The following SYNE2 variants were observed in gnomAD, a reference collection of about 807,000 sequenced individuals.
SYNE2 encodes spectrin repeat containing nuclear envelope protein 2, also known as nesprin-2.
SYNE2 carries 431 observed loss-of-function variants against 856.3 expected under a neutral mutation model. That is an observed-to-expected ratio of 0.50 (90% confidence interval 0.47 to 0.55). The LOEUF is 0.55. Among genes scored for constraint, SYNE2 ranks in the 20% least tolerant of loss-of-function variants. The probability of loss-of-function intolerance (pLI) is 0.00; values close to 1 mark genes in which losing one functional copy is unlikely to be tolerated. For missense variants in SYNE2, 8,129 were observed against 8,023.2 expected, an observed-to-expected ratio of 1.01 and a Z score of -0.50; for synonymous variants, 2,923 against 2,872.3, an observed-to-expected ratio of 1.02 and a Z score of -0.56.
In SYNE2 at chr14:64,027,566, A is replaced by G; in HGVS notation, c.6487A>G (p.Lys2163Glu). Residue 2163 changes from lysine (K) to glutamate (E), a missense_variant, in exon 43 of 116, where the codon AAG (lysine) becomes GAG (glutamate). Around this residue, in one of 3 missense-constraint regions of SYNE2, gnomAD observed 297 missense variants for 380.9 expected, o/e 0.78. Transcript: ENST00000555002. ...DLRLMLIELK[K>E]KQEAGFALQH... is the part of the protein sequence containing the mutation. ...GAGATTAATGCTCATAGAACTAAAG[A>G]AGAAACAGGAAGCAGGCTTTGCTCT... 4 of 1,612,956 alleles carry G rather than the reference A, an allele frequency of 2.5e-6. No individual in the cohort carries two copies. Among genetic ancestry groups the G allele is most frequent in the Non-Finnish European group, 3.4e-6 (4 of 1,179,138 alleles).
intron 1 of SYNE2, among the ~76,000 whole-genome samples, chr14:63,835,119 A>T (rs1416759127): frequency 1.3e-5 from 2 of 152,214 alleles, no homozygotes; most frequent in African/African-American, 4.8e-5. Flanking sequence ...GGTGCTAAAG[A>T]TGCATCCATG....
At position 63,998,087 on chromosome 14, in the gene SYNE2, CAAAG is replaced by C. The variant is rs2096726888; in HGVS notation, c.3244-128_3244-125del. ...GACTTTTCTCTGAGCTGAGACATCT[CAAAG>C]AAATTGTATTATCTCCTGGTTTGAG... On this transcript the variant is annotated intron_variant, in intron 25 of 115. Coordinates refer to ENST00000555002, the MANE Select transcript of SYNE2 (RefSeq NM_182914.3). 8 of 751,286 alleles carry C rather than the reference CAAAG, an allele frequency of 1.1e-5. No homozygotes were observed. The South Asian group carries it at 1.2e-4, about 11-fold the overall frequency. 46.5% of individuals were successfully genotyped at this position (751,286 alleles called of 1,614,324 possible).
chr14:64,186,413 A>T lies in SYNE2; in HGVS notation c.17557-11A>T, dbSNP rs771644639. On this transcript the variant is annotated splice_polypyrimidine_tract_variant and intron_variant, in intron 96 of 115. Transcript: ENST00000555002. The stretch of plus-strand genomic sequence containing the variant: ...GAAGGCTTTTTACCCCCTTCTTGTG[A>T]TTAAATGCAGGAACTAGAACAGTCT... 1 of 1,614,146 alleles carries T rather than the reference A, an allele frequency of 6.2e-7. No individual in the cohort carries two copies. The highest frequency in any genetic ancestry group is 8.5e-7 in the Non-Finnish European group (1 of 1,180,016).
rs567316202 is a variant in SYNE2, at chr14:63,877,302, C to T, written c.-52+24159C>T. 3.9e-5 allele frequency among the ~76,000 whole-genome samples: 6 copies of T among 152,170 alleles called. No homozygotes were observed. The East Asian group carries it at 1.2e-3, about 29-fold the overall frequency. On this transcript the variant is annotated intron_variant, in intron 1 of 115. Transcript: ENST00000555002. ...GAGGCCTATAACCTAGAACTTTGGT[C>T]AAAATAGGAACTATGATTCATAGCT...
intron 32 of SYNE2, among the ~76,000 whole-genome samples, chr14:64,012,960 G>T (rs1016865355): frequency 6.6e-6 from 1 of 152,146 alleles, no homozygotes; most frequent in Admixed American, 6.5e-5. Flanking sequence ...TAGTAACCTG[G>T]ATGTTTATCT....
chr14:64,154,002 A>G (rs754699578), intron 85 of SYNE2, among the ~76,000 whole-genome samples: 19 of 152,160 alleles, frequency 1.2e-4, no homozygotes, highest in Non-Finnish European at 2.6e-4. Context: ...AGACCTCTGC[A>G]TTCATACAAT....
intron 1 of SYNE2, among the ~76,000 whole-genome samples, chr14:63,779,401 A>G (rs2139731322): frequency 6.8e-6 from 1 of 146,526 alleles, no homozygotes; most frequent in East Asian, 2.0e-4. Flanking sequence ...CTAGAAAAAT[A>G]CTCTGTTCCC....
At chr14:64,074,855 G>A (rs1208117745) in intron 53 of SYNE2, among the ~76,000 whole-genome samples, 8 of 149,364 alleles carry the variant, frequency 5.4e-5, no homozygotes, top group Non-Finnish European at 5.9e-5. Flanking sequence ...AGATCGTGCC[G>A]CTGCAATCCA....
chr14:64,035,366 G>T (rs1405793245), intron 45 of SYNE2, among the ~76,000 whole-genome samples: 2 of 151,928 alleles, frequency 1.3e-5, no homozygotes, highest in Non-Finnish European at 2.9e-5. Flanking sequence ...AAAAAAAAAA[G>T]TTATAACAGA....
At chr14:64,044,104 A>G (rs141689078) in intron 45 of SYNE2, among the ~76,000 whole-genome samples, 254 of 152,340 alleles carry the variant, frequency 1.7e-3, no homozygotes, top group African/African-American at 5.8e-3. Flanking sequence ...CAAACATTCA[A>G]TGCCAGCCTA....
chr14:64,010,500 A>G (rs2096835662), intron 32 of SYNE2, among the ~76,000 whole-genome samples: 1 of 152,146 alleles, frequency 6.6e-6, no homozygotes, highest in African/African-American at 2.4e-5. Context: ...GTGAGGAAAA[A>G]TTAGCTTTTA....
intron 17 of SYNE2, 127 bp downstream of exon 17, chr14:63,982,921 A>C (rs2096597552): frequency 2.1e-6 from 2 of 949,564 alleles, no homozygotes; most frequent in African/African-American, 1.7e-5. Context: ...TACCATAAAA[A>C]ATTTAGAACA....
At chr14:64,093,800 G>A (rs2097651336) in intron 61 of SYNE2, among the ~76,000 whole-genome samples, 1 of 152,130 alleles carries the variant, frequency 6.6e-6, no homozygotes, top group African/African-American at 2.4e-5. Context: ...CTTCTTTAAT[G>A]GAGGGCTTTT....
At chr14:64,215,440 C>CAGAAGGCAGAGGTAGACA in intron 107 of SYNE2, 86 bp downstream of exon 107, 3 of 1,335,660 alleles carry the variant, frequency 2.2e-6, no homozygotes, top group African/African-American at 1.4e-5. Flanking sequence ...GTCGTGTCTA[C>CAGAAGGCAGAGGTAGACA]CTCTGCCTTC....
intron 2 of SYNE2, among the ~76,000 whole-genome samples, chr14:63,910,439 A>G (rs2095459294): frequency 6.6e-6 from 1 of 152,214 alleles, no homozygotes. Context: ...GTAGAGTAAG[A>G]AACATTTAAA....
intron 1 of SYNE2, among the ~76,000 whole-genome samples, chr14:63,803,124 T>C (rs921636350): frequency 2.0e-5 from 3 of 152,256 alleles, no homozygotes; most frequent in East Asian, 1.9e-4. Flanking sequence ...AGGGTGCTGA[T>C]TGGTGCGTTT....
At chr14:64,222,999 C>T (rs2098702017) in intron 112 of SYNE2, among the ~76,000 whole-genome samples, 190 bp from the exon 113 acceptor site, 1 of 152,130 alleles carries the variant, frequency 6.6e-6, no homozygotes, top group Admixed American at 6.5e-5. Flanking sequence ...AGGGGCAGGG[C>T]ATAATACACT....
At chr14:63,902,252 A>G (rs907307956) in intron 1 of SYNE2, among the ~76,000 whole-genome samples, 3 of 151,904 alleles carry the variant, frequency 2.0e-5, no homozygotes, top group Admixed American at 2.0e-4. Context: ...CTCTACTAAA[A>G]GTACAAAAAT....
chr14:64,112,960 T>G, intron 65 of SYNE2: 1 of 972,628 alleles, frequency 1.0e-6, no homozygotes, highest in Non-Finnish European at 1.2e-6. Context: ...TGTGCAGCAA[T>G]GTAAGCATTG....
Sources: allele counts gnomAD v4.1 joint callset (sites outside exome capture counted in the v4.1 genomes callset), GRCh38; gene constraint gnomAD v4.1.1; regional missense constraint gnomAD v4.1.1; transcripts MANE v1.5; gene names NCBI Gene and HGNC (gene_info 2026-07-23, HGNC 2026-07-21).